Variants in ACER1 observed in about 807,000 individuals in gnomAD.
The protein encoded by ACER1 is alkaline ceramidase 1, also known as CTB-180A7.3.
In ACER1, 28 loss-of-function variants were observed where a neutral mutation model predicts 24.9. The ratio of observed to expected loss-of-function variants is 1.13; its 90% CI spans 0.83 to 1.54. The LOEUF is 1.54. Among genes scored for constraint, ACER1 ranks in the 40% most tolerant of loss-of-function variants. The pLI, the probability that ACER1 is intolerant of heterozygous loss-of-function variation, is 0.00. For missense variants in ACER1, 352 were observed against 349.3 expected, an observed-to-expected ratio of 1.01 and a Z score of -0.06; for synonymous variants, 132 against 131.4, an observed-to-expected ratio of 1.00 and a Z score of -0.03.
At chr19:6,336,373 G>C (rs1372981796), upstream of ACER1, among the ~76,000 whole-genome samples, 1 of 152,156 alleles carries the variant, frequency 6.6e-6, no homozygotes, top group Non-Finnish European at 1.5e-5. Flanking sequence ...ACTTACCATA[G>C]GTCACACAGT....
chr19:6,335,920 A>G (rs117059317), upstream of ACER1, among the ~76,000 whole-genome samples: 6,280 of 148,122 alleles, frequency 0.042, 217 homozygotes, highest in African/African-American at 0.09. Flanking sequence ...TTTTTTTTGA[A>G]ATAGAGTTTC....
rs1199664621 is a variant in ACER1, at chr19:6,332,266, C to CTTTT, written c.93+1189_93+1192dup. On this transcript the variant is annotated intron_variant, in intron 1 of 5. Coordinates refer to ENST00000301452, the MANE Select transcript of ACER1 (RefSeq NM_133492.3). Reference sequence around the variant, plus strand: ...ACAGGCGTGAGCCTCCGCGCCCGGCCTTTTTTTTTTTTTTTTTTTTTTGAG... The same window carrying CTTTT: ...ACAGGCGTGAGCCTCCGCGCCCGGCCTTTTTTTTTTTTTTTTTTTTTTTTTTGAG... Among the ~76,000 whole-genome samples, 83 of 99,786 alleles carry CTTTT rather than the reference C, an allele frequency of 8.3e-4. 1 individual carries two copies. The highest frequency in any genetic ancestry group is 1.3e-3 in the African/African-American group (27 of 21,344). The allele number at this position is 99,786 out of a possible 152,430, so 65.5% of individuals were successfully genotyped here. A position where few individuals can be genotyped will look rare whatever the true frequency, so the allele number is the denominator to read the frequency against.
chr19:6,338,447 T>A (rs898146566), upstream of ACER1, among the ~76,000 whole-genome samples: 5 of 152,222 alleles, frequency 3.3e-5, no homozygotes, highest in African/African-American at 9.6e-5. Flanking sequence ...CTGAATATGG[T>A]CTATAGGTCA....
intron 3 of ACER1, 65 bp from the exon 4 acceptor site, chr19:6,309,899 T>G: frequency 1.3e-5 from 21 of 1,596,160 alleles, no homozygotes; most frequent in Non-Finnish European, 1.8e-5. Context: ...CATGGTCACT[T>G]GGAGATCCCG....
chr19:6,320,646 T>G (rs533505321), intron 1 of ACER1, among the ~76,000 whole-genome samples: 1 of 152,118 alleles, frequency 6.6e-6, no homozygotes, highest in South Asian at 2.1e-4. Context: ...TCACCAGTAA[T>G]TAAGTGGTCT....
rs1036774631 is a variant in ACER1, at chr19:6,327,602, T to A, written c.93+5857A>T. 2.7e-5 allele frequency among the ~76,000 whole-genome samples: 4 copies of A among 148,864 alleles called. No homozygotes were observed. In the East Asian group the frequency reaches 7.8e-4, roughly 29 times the overall value. ...TAAATAAATAATAATAAAATAAAAATAAAATAAAATAAAATAAAATAAATA... is the reference window on the plus strand; with the variant it reads ...TAAATAAATAATAATAAAATAAAAAAAAAATAAAATAAAATAAAATAAATA... On this transcript the variant is annotated intron_variant, in intron 1 of 5. Coordinates refer to ENST00000301452, the MANE Select transcript of ACER1 (RefSeq NM_133492.3).
At chr19:6,306,912 G>A (rs763554372) in intron 5 of ACER1, 30 bp from the exon 6 acceptor site, 13 of 1,594,740 alleles carry the variant, frequency 8.2e-6, no homozygotes, top group Non-Finnish European at 1.1e-5. Context: ...GGTGGCGAGG[G>A]CACAAGATAC....
In ACER1 at chr19:6,309,776, G is replaced by A. The variant is rs769179276; in HGVS notation, c.409C>T (p.Leu137=). Residue 137 remains leucine, a synonymous_variant, in exon 4 of 6, where the codon CTG becomes TTG. Transcript: ENST00000301452. ...TTVVSTLLSF[L]RPTVNAYALN... ...GCGTAGGCGTTGACCGTGGGCCGCA[G>A]GAAGGACAGAAGGGTGCTGACCACA... The A allele has an allele frequency of 6.2e-7, 1 of 1,614,134 alleles. No homozygotes were observed. Among genetic ancestry groups the A allele is most frequent in the Admixed American group, 1.7e-5 (1 of 60,002 alleles).
the ACER1 span, among the ~76,000 whole-genome samples, chr19:6,341,282 C>A: frequency 6.7e-6 from 1 of 149,910 alleles, no homozygotes; most frequent in Non-Finnish European, 1.5e-5. Flanking sequence ...TGCAAACCAG[C>A]CTGGGCAACA....
chr19:6,359,288 C>T, the ACER1 span, among the ~76,000 whole-genome samples: 2 of 151,728 alleles, frequency 1.3e-5, no homozygotes, highest in Non-Finnish European at 2.9e-5. Flanking sequence ...ACATCAAAAT[C>T]CACTTCAGGA....
chr19:6,344,571 T>G, the ACER1 span, among the ~76,000 whole-genome samples: 1 of 151,790 alleles, frequency 6.6e-6, no homozygotes, highest in African/African-American at 2.4e-5. Context: ...ATTTATTGTA[T>G]TTTTAGTAGA....
intron 1 of ACER1, among the ~76,000 whole-genome samples, chr19:6,321,377 C>G (rs10411090): frequency 0.1 from 15,426 of 152,128 alleles, 1,070 homozygotes; most frequent in African/African-American, 0.19. Flanking sequence ...CTGGCCTCAA[C>G]TGATCCACCT....
chr19:6,320,420 C>A (rs578024229), intron 1 of ACER1, among the ~76,000 whole-genome samples: 12 of 152,276 alleles, frequency 7.9e-5, no homozygotes, highest in African/African-American at 2.9e-4. Context: ...TCAAGCAATT[C>A]TCCTGCCTCA....
rs574939082 is a variant in ACER1 at position 6,330,255 on chromosome 19, C to T, written c.93+3204G>A. Among the ~76,000 whole-genome samples, 3 of 150,000 alleles carry T rather than the reference C, an allele frequency of 2.0e-5. No homozygotes were observed. In the South Asian group the frequency reaches 6.3e-4, roughly 31 times the overall value. Reference sequence around the variant, plus strand: ...TGATCTCGGCTCACTGCAACCTCCACCTCCCAGATTCAAGTGATTGTCGTG... The same window carrying T: ...TGATCTCGGCTCACTGCAACCTCCATCTCCCAGATTCAAGTGATTGTCGTG... On this transcript the variant is annotated intron_variant, in intron 1 of 5. Coordinates refer to ENST00000301452, the MANE Select transcript of ACER1 (RefSeq NM_133492.3).
intron 1 of ACER1, among the ~76,000 whole-genome samples, chr19:6,327,507 G>C (rs61365673): frequency 5.3e-4 from 81 of 152,118 alleles, no homozygotes; most frequent in Admixed American, 1.5e-3. Flanking sequence ...GGAGCTTGCA[G>C]TGAGCCGAGA....
chr19:6,328,496 CAAAAAAAAAAA>C (rs1013111916), intron 1 of ACER1, among the ~76,000 whole-genome samples: 5 of 41,232 alleles, frequency 1.2e-4, no homozygotes, highest in Non-Finnish European at 2.3e-4. Flanking sequence ...GACTCCATCT[CAAAAAAAAAAA>C]AAAAAAAAAA....
chr19:6,351,384 A>C, the ACER1 span, among the ~76,000 whole-genome samples: 1 of 151,398 alleles, frequency 6.6e-6, no homozygotes, highest in Admixed American at 6.6e-5. Context: ...AAAAATAATA[A>C]TAATAATAAA....
the ACER1 span, chr19:6,360,025 T>C: frequency 1.3e-5 from 2 of 152,226 alleles, no homozygotes; most frequent in East Asian, 3.9e-4. Context: ...CTTGAGAAGG[T>C]GTGGCAAAAA....
At position 6,312,428 on chromosome 19, in the gene ACER1, G is replaced by C. The variant is rs777159818; in HGVS notation, c.165C>G (p.Arg55=). ...MLLMHPYAQK[R]SRYIYVVWVL... is the part of the protein sequence containing the mutation. ...CCCAGACAACGTAAATGTAGCGGGA[G>C]CGCTTCTGGGCATACGGGTGCATCA... is the stretch of plus-strand genomic sequence containing the variant. The change falls in exon 2 of 6, where the codon CGC becomes CGG. Residue 55 remains arginine, a synonymous_variant. Transcript: ENST00000301452. 6.2e-7 allele frequency: 1 copy of C among 1,613,916 alleles called. No individual in the cohort carries two copies. Among genetic ancestry groups the C allele is most frequent in the South Asian group, 1.1e-5 (1 of 91,080 alleles).
Sources: allele counts gnomAD v4.1 joint callset (sites outside exome capture counted in the v4.1 genomes callset), GRCh38; gene constraint gnomAD v4.1.1; transcripts MANE v1.5; gene names NCBI Gene and HGNC (gene_info 2026-07-23, HGNC 2026-07-21).